Variants in SLC39A12 observed in about 807,000 individuals in gnomAD.
SLC39A12 encodes zinc transporter ZIP12.
In SLC39A12, 63 loss-of-function variants were observed where a neutral mutation model predicts 71.1. The ratio of observed to expected loss-of-function variants is 0.89; its 90% CI spans 0.72 to 1.09. The LOEUF (loss-of-function observed/expected upper bound fraction) is 1.09. SLC39A12 is among the 50% of genes least tolerant of loss of function. The pLI, the probability that SLC39A12 is intolerant of heterozygous loss-of-function variation, is 0.00. For missense variants in SLC39A12, 892 were observed against 812.6 expected (o/e 1.10, Z -1.19); for synonymous variants, 351 against 301.3 (o/e 1.16, Z -1.71).
intron 4 of SLC39A12, among the ~76,000 whole-genome samples, chr10:17,973,397 T>C (rs1835024462): frequency 6.6e-6 from 1 of 152,148 alleles, no homozygotes; most frequent in Non-Finnish European, 1.5e-5. Flanking sequence ...AGTAGTCCCT[T>C]TAGCATTTCT....
At chr10:18,026,263 T>C (rs961336378) in intron 12 of SLC39A12, among the ~76,000 whole-genome samples, 4 of 152,156 alleles carry the variant, frequency 2.6e-5, no homozygotes, top group Non-Finnish European at 4.4e-5. Context: ...ATTCCCTCTA[T>C]TTTTGTTTTC....
At chr10:18,001,544 C>T (rs933300665) in intron 11 of SLC39A12, among the ~76,000 whole-genome samples, 10 of 152,200 alleles carry the variant, frequency 6.6e-5, no homozygotes, top group Non-Finnish European at 8.8e-5. Flanking sequence ...AAACAAAAAA[C>T]CAAACCATGG....
chr10:17,974,511 G>T (rs776613134), intron 4 of SLC39A12, among the ~76,000 whole-genome samples: 2 of 152,180 alleles, frequency 1.3e-5, no homozygotes, highest in Non-Finnish European at 2.9e-5. Context: ...TGTTAACACC[G>T]TAGTTCTTGC....
At chr10:18,038,226 T>G (rs2130906846) in intron 12 of SLC39A12, among the ~76,000 whole-genome samples, 1 of 152,096 alleles carries the variant, frequency 6.6e-6, no homozygotes, top group South Asian at 2.1e-4. Context: ...TATACAAGAA[T>G]AAAGAATTCT....
chr10:18,037,910 C>T (rs543361621), intron 12 of SLC39A12, among the ~76,000 whole-genome samples: 81 of 149,192 alleles, frequency 5.4e-4, no homozygotes, highest in East Asian at 4.1e-4. Flanking sequence ...GTCCCAGCTA[C>T]GTGGGCGACT....
rs979553755 is a variant in SLC39A12 at position 18,003,862 on chromosome 10, T to G, written c.1947+504T>G. Reference sequence around the variant, plus strand: ...TTTGTCATTGAATTAAATCACTGTTTGACTTAATTAACCAAATGTGTTTTT... The same window carrying G: ...TTTGTCATTGAATTAAATCACTGTTGGACTTAATTAACCAAATGTGTTTTT... On this transcript the variant is annotated intron_variant, in intron 12 of 12. Coordinates refer to ENST00000377369, the MANE Select transcript of SLC39A12 (RefSeq NM_001145195.2). Among the ~76,000 whole-genome samples, 6 of 152,250 alleles carry G rather than the reference T, an allele frequency of 3.9e-5. No homozygotes were observed. In the South Asian group the frequency reaches 1.0e-3, roughly 26 times the overall value.
rs1474018284 is a variant in SLC39A12, at chr10:17,967,897, AAAT to A, written c.751+2209_751+2211del. Among the ~76,000 whole-genome samples the A allele has an allele frequency of 8.0e-3, 843 of 104,728 alleles. 4 individuals carry two copies. The highest frequency in any genetic ancestry group is 0.026 in the African/African-American group (695 of 26,998). The allele number at this position is 104,728 out of a possible 152,430, so 68.7% of individuals were successfully genotyped here. A position where few individuals can be genotyped will look rare whatever the true frequency, so the allele number is the denominator to read the frequency against. On this transcript the variant is annotated intron_variant, in intron 4 of 12. Transcript: ENST00000377369. ...GCGAGACTCCGCCTCAAAAAAAAAA[AAAT>A]ATATATATATATATATATTTATTTA...
intron 4 of SLC39A12, among the ~76,000 whole-genome samples, chr10:17,967,763 T>C (rs965136008): frequency 3.3e-5 from 5 of 151,140 alleles, no homozygotes; most frequent in African/African-American, 1.2e-4. Flanking sequence ...GGCGGGCGCC[T>C]GTAGTCCCAG....
At chr10:18,030,024 G>A (rs1035687458) in intron 12 of SLC39A12, among the ~76,000 whole-genome samples, 5 of 150,716 alleles carry the variant, frequency 3.3e-5, no homozygotes, top group African/African-American at 1.2e-4. Flanking sequence ...TGGTATCCAA[G>A]AGATACTATG....
chr10:18,011,169 A>G (rs961537199), intron 12 of SLC39A12, among the ~76,000 whole-genome samples: 1 of 151,958 alleles, frequency 6.6e-6, no homozygotes, highest in African/African-American at 2.4e-5. Flanking sequence ...AACTTACTGC[A>G]GCCTCTGCCT....
intron 3 of SLC39A12, among the ~76,000 whole-genome samples, chr10:17,964,874 A>G (rs988969549): frequency 4.6e-5 from 7 of 152,240 alleles, no homozygotes; most frequent in Non-Finnish European, 1.0e-4. Flanking sequence ...ATGTTAAACA[A>G]TAAGAGCAGG....
chr10:18,042,316 A>G (rs1348720222), intron 12 of SLC39A12, among the ~76,000 whole-genome samples: 2 of 152,006 alleles, frequency 1.3e-5, no homozygotes, highest in Non-Finnish European at 2.9e-5. Context: ...CATCTCTACA[A>G]AAAAATGCAA....
At chr10:18,028,366 A>G (rs1836737920) in intron 12 of SLC39A12, among the ~76,000 whole-genome samples, 1 of 152,238 alleles carries the variant, frequency 6.6e-6, no homozygotes, top group African/African-American at 2.4e-5. Flanking sequence ...TGAATCATGA[A>G]TAAAGGTAAA....
At chr10:17,952,648 T>G (rs1466209509) in intron 1 of SLC39A12, among the ~76,000 whole-genome samples, 1 of 151,882 alleles carries the variant, frequency 6.6e-6, no homozygotes, top group Non-Finnish European at 1.5e-5. Context: ...CCACCATACC[T>G]GGCTAATTTT....
chr10:17,997,537 G>A (rs1025112969), intron 10 of SLC39A12, among the ~76,000 whole-genome samples: 5 of 152,066 alleles, frequency 3.3e-5, no homozygotes, highest in African/African-American at 1.2e-4. Flanking sequence ...GACATGCCCA[G>A]TCAAATCAGG....
chr10:17,969,541 G>C (rs890761287), intron 4 of SLC39A12, among the ~76,000 whole-genome samples: 2 of 152,158 alleles, frequency 1.3e-5, no homozygotes, highest in African/African-American at 4.8e-5. Flanking sequence ...CTGATGATCA[G>C]TGACATTGAG....
intron 8 of SLC39A12, 50 bp from the exon 9 acceptor site, chr10:17,993,131 C>T (rs1169023569): frequency 7.4e-7 from 1 of 1,343,900 alleles, no homozygotes; most frequent in Non-Finnish European, 1.0e-6. Context: ...ACAAAGACTA[C>T]ACCTGTGTTC....
At chr10:18,020,316 G>A (rs773959771) in intron 12 of SLC39A12, among the ~76,000 whole-genome samples, 1 of 152,000 alleles carries the variant, frequency 6.6e-6, no homozygotes, top group Non-Finnish European at 1.5e-5. Context: ...TTTTATGGCT[G>A]TATAGTATTC....
At chr10:18,012,492 AAAAG>A (rs1375900023) in intron 12 of SLC39A12, among the ~76,000 whole-genome samples, 3 of 152,166 alleles carry the variant, frequency 2.0e-5, no homozygotes, top group African/African-American at 7.2e-5. Context: ...AAGGTTCATT[AAAAG>A]AAAGACACTC....
Sources: allele counts gnomAD v4.1 joint callset (sites outside exome capture counted in the v4.1 genomes callset), GRCh38; gene constraint gnomAD v4.1.1; transcripts MANE v1.5; gene names NCBI Gene and HGNC (gene_info 2026-07-23, HGNC 2026-07-21).